Variants in JAKMIP2 observed in about 807,000 individuals in gnomAD.
The protein encoded by JAKMIP2 is janus kinase and microtubule interacting protein 2.
In JAKMIP2, 25 loss-of-function variants were observed where a neutral mutation model predicts 115.0. The observed-to-expected ratio is 0.22, with a 90% confidence interval of 0.16 to 0.30. The LOEUF (loss-of-function observed/expected upper bound fraction) is 0.30, where lower values mean the gene tolerates loss of function less well. Among genes scored for constraint, JAKMIP2 ranks in the 10% least tolerant of loss-of-function variants. The pLI is 1.00. For synonymous variants in JAKMIP2, 334 were observed against 343.6 expected (o/e 0.97, Z 0.31); for missense variants, 642 against 957.6 (o/e 0.67, Z 4.35).
chr5:147,751,587 C>A (rs945444671), intron 1 of JAKMIP2, among the ~76,000 whole-genome samples: 2 of 146,604 alleles, frequency 1.4e-5, no homozygotes, highest in African/African-American at 2.5e-5. Flanking sequence ...GTACCTCCCT[C>A]TAGACATTAA....
intron 1 of JAKMIP2, among the ~76,000 whole-genome samples, chr5:147,742,405 A>T (rs1489311619): frequency 1.3e-5 from 2 of 152,022 alleles, no homozygotes; most frequent in African/African-American, 4.8e-5. Flanking sequence ...AGTTGTTCTC[A>T]TTCCTACCTT....
intron 1 of JAKMIP2, among the ~76,000 whole-genome samples, chr5:147,675,247 G>GAAA (rs35246628): frequency 6.7e-6 from 1 of 150,210 alleles, no homozygotes; most frequent in African/African-American, 2.4e-5. Context: ...AGGAAAAGGT[G>GAAA]AAAAAAAAAT....
At chr5:147,607,423 T>A (rs1026425695) in intron 20 of JAKMIP2, among the ~76,000 whole-genome samples, 8 of 152,214 alleles carry the variant, frequency 5.3e-5, no homozygotes, top group Non-Finnish European at 1.2e-4. Flanking sequence ...CTGCATCTAT[T>A]GAGATAATCA....
At chr5:147,629,059 C>T (rs1471435255) in intron 15 of JAKMIP2, among the ~76,000 whole-genome samples, 1 of 152,096 alleles carries the variant, frequency 6.6e-6, no homozygotes, top group African/African-American at 2.4e-5. Flanking sequence ...TGGAGGCATA[C>T]TTTATTAATA....
chr5:147,608,393 C>A (rs182425495), intron 20 of JAKMIP2, among the ~76,000 whole-genome samples: 100 of 152,260 alleles, frequency 6.6e-4, no homozygotes, highest in African/African-American at 2.3e-3. Flanking sequence ...TCATTGGTTT[C>A]AAATAGCTTA....
intron 8 of JAKMIP2, 31 bp downstream of exon 8, chr5:147,641,677 C>A (rs773654867): frequency 3.9e-6 from 6 of 1,532,140 alleles, no homozygotes; most frequent in Admixed American, 1.7e-5. Context: ...CTGTTTGTGG[C>A]AAATGCCTGA....
intron 10 of JAKMIP2, 79 bp from the exon 11 acceptor site, chr5:147,637,127 G>A (rs987734409): frequency 6.5e-5 from 38 of 585,152 alleles, no homozygotes; most frequent in African/African-American, 1.5e-4. Context: ...CAACAAGTAA[G>A]AGAGAGAGAG....
intron 2 of JAKMIP2, among the ~76,000 whole-genome samples, chr5:147,670,555 G>A (rs898155467): frequency 1.7e-4 from 26 of 152,252 alleles, no homozygotes; most frequent in Admixed American, 1.5e-3. Context: ...ATGGGATTGA[G>A]AGAAGTAAAG....
At chr5:147,633,228 G>C (rs1210691435) in intron 12 of JAKMIP2, among the ~76,000 whole-genome samples, 1 of 152,166 alleles carries the variant, frequency 6.6e-6, no homozygotes, top group African/African-American at 2.4e-5. Context: ...GAAGAAACCA[G>C]CTCTTTAACA....
intron 1 of JAKMIP2, among the ~76,000 whole-genome samples, chr5:147,679,660 A>G (rs1032488156): frequency 3.9e-5 from 6 of 152,244 alleles, no homozygotes; most frequent in African/African-American, 1.4e-4. Context: ...TATTCCAATT[A>G]AACTTTGCAG....
chr5:147,655,253 T>C (rs1233727892), intron 3 of JAKMIP2, among the ~76,000 whole-genome samples: 2 of 152,166 alleles, frequency 1.3e-5, no homozygotes, highest in African/African-American at 4.8e-5. Flanking sequence ...TTTAAATTGT[T>C]TGGAATAGTT....
rs200069719 is a variant in JAKMIP2 at position 147,596,200 on chromosome 5, C to CT, written c.*21-4515dup. On this transcript the variant is annotated intron_variant, in intron 21 of 21. Coordinates refer to ENST00000616793, the MANE Select transcript of JAKMIP2 (RefSeq NM_001270941.2). Reference sequence around the variant, plus strand: ...CCAAGTTAAAAAATTCAAATTTGATCTTTTTTTTTTTTTAACTTGTTATCA... The same window carrying CT: ...CCAAGTTAAAAAATTCAAATTTGATCTTTTTTTTTTTTTTAACTTGTTATCA... 1.3e-3 allele frequency among the ~76,000 whole-genome samples: 185 copies of CT among 145,602 alleles called. 1 individual carries two copies. Among genetic ancestry groups the CT allele is most frequent in the Non-Finnish European group, 1.9e-3 (125 of 65,946 alleles).
At chr5:147,720,907 TGGA>T (rs1361613335) in intron 1 of JAKMIP2, among the ~76,000 whole-genome samples, 1 of 152,226 alleles carries the variant, frequency 6.6e-6, no homozygotes, top group Non-Finnish European at 1.5e-5. Flanking sequence ...TGCATTCCTT[TGGA>T]GGAGGAGAGG....
At chr5:147,649,539 A>G (rs560907997) in intron 4 of JAKMIP2, among the ~76,000 whole-genome samples, 2 of 152,308 alleles carry the variant, frequency 1.3e-5, no homozygotes, top group African/African-American at 4.8e-5. Context: ...CATTCTCTTG[A>G]CAACTATGCT....
At chr5:147,735,193 G>A (rs1366008876) in intron 1 of JAKMIP2, among the ~76,000 whole-genome samples, 1 of 152,118 alleles carries the variant, frequency 6.6e-6, no homozygotes, top group African/African-American at 2.4e-5. Context: ...TACTTAAACT[G>A]TCTTAGTTCC....
intron 1 of JAKMIP2, among the ~76,000 whole-genome samples, chr5:147,697,199 T>C (rs771781055): frequency 6.6e-6 from 1 of 152,110 alleles, no homozygotes; most frequent in South Asian, 2.1e-4. Context: ...TTTAGAATCA[T>C]GGCAGGAGGT....
intron 16 of JAKMIP2, among the ~76,000 whole-genome samples, chr5:147,627,655 C>G (rs59349956): frequency 8.7e-6 from 1 of 115,552 alleles, no homozygotes; most frequent in Non-Finnish European, 1.6e-5. Flanking sequence ...CAATGTGTAT[C>G]TCTAACAGAT....
At chr5:147,726,338 C>T (rs531370964) in intron 1 of JAKMIP2, among the ~76,000 whole-genome samples, 5 of 152,216 alleles carry the variant, frequency 3.3e-5, no homozygotes, top group South Asian at 4.1e-4. Context: ...CTTTGTGTTG[C>T]GGTTTGGCCC....
intron 1 of JAKMIP2, among the ~76,000 whole-genome samples, chr5:147,756,281 C>A (rs777136431): frequency 6.6e-6 from 1 of 152,076 alleles, no homozygotes; most frequent in Non-Finnish European, 1.5e-5. Context: ...CAGGAGAAAT[C>A]ATTTAAGTCA....
Sources: allele counts gnomAD v4.1 joint callset (sites outside exome capture counted in the v4.1 genomes callset), GRCh38; gene constraint gnomAD v4.1.1; transcripts MANE v1.5; gene names NCBI Gene and HGNC (gene_info 2026-07-23, HGNC 2026-07-21).